The following PPP1R1B variants were observed in gnomAD, a reference collection of about 807,000 sequenced individuals.
PPP1R1B encodes the protein protein phosphatase 1 regulatory inhibitor subunit 1B, also known as protein phosphatase 1 regulatory subunit 1B.
Under a neutral mutation model 28.2 loss-of-function variants are expected in PPP1R1B, and 13 were observed. That is an observed-to-expected ratio of 0.46 (90% CI 0.30 to 0.73). PPP1R1B has a LOEUF of 0.73. Among genes scored for constraint, PPP1R1B ranks in the 30% least tolerant of loss-of-function variants. The probability of loss-of-function intolerance (pLI) is 0.07; values close to 1 mark genes in which losing one functional copy is unlikely to be tolerated. For synonymous variants in PPP1R1B, 102 were observed against 97.5 expected, an observed-to-expected ratio of 1.05 and a Z score of -0.27; for missense variants, 236 against 256.7, an observed-to-expected ratio of 0.92 and a Z score of 0.55.
In PPP1R1B at chr17:39,634,073, C is replaced by T. The variant is rs376002712; in HGVS notation, c.432C>T (p.Val144=). ...EEDSQAEVLK[V]IRQSAGQKTT... ...ACAGCCAGGCTGAAGTCCTGAAGGT[C>T]ATCAGGCAGTCTGGTAAGCTGAGGG... The change falls in exon 5 of 7, where the codon GTC becomes GTT. Residue 144 remains valine (V), a synonymous_variant. Coordinates refer to ENST00000254079, the MANE Select transcript of PPP1R1B (RefSeq NM_032192.4). 23 of 1,613,704 alleles carry T rather than the reference C, an allele frequency of 1.4e-5. No individual in the cohort carries two copies. In the African/African-American group the frequency reaches 2.4e-4, roughly 17 times the overall value.
chr17:39,627,434 C>T lies in PPP1R1B; in HGVS notation c.42C>T (p.Pro14=). 6.2e-7 allele frequency: 1 copy of T among 1,603,754 alleles called. No homozygotes were observed. Among genetic ancestry groups the T allele is most frequent in the South Asian group, 1.1e-5 (1 of 90,282 alleles). Residue 14 remains proline (P), a synonymous_variant, in exon 1 of 7, where the codon CCC becomes CCT. Transcript: ENST00000254079. ...KDRKKIQFSV[P]APPSQLDPRQ... The stretch of plus-strand genomic sequence containing the variant: ...GCAAGAAGATCCAGTTCTCGGTGCC[C>T]GCGCCCCCTAGCCAGCTCGACCCCC...
chr17:39,629,652 G>T (rs1390311742), intron 3 of PPP1R1B, 90 bp downstream of exon 3: 5 of 1,375,688 alleles, frequency 3.6e-6, no homozygotes, highest in South Asian at 2.4e-5. Flanking sequence ...AACCAGTATG[G>T]GGTGCCACCC....
At chr17:39,631,671 C>A (rs2056879166) in intron 4 of PPP1R1B, among the ~76,000 whole-genome samples, 1 of 152,188 alleles carries the variant, frequency 6.6e-6, no homozygotes, top group Non-Finnish European at 1.5e-5. Context: ...TGTCAGCCCA[C>A]TTGCCAGGGT....
At chr17:39,627,619 G>C (rs1049825524) in intron 1 of PPP1R1B, 146 bp downstream of exon 1, 9 of 565,756 alleles carry the variant, frequency 1.6e-5, no homozygotes, top group Non-Finnish European at 2.1e-5. Context: ...GACGGGGCGC[G>C]GGGCCGCGTG....
chr17:39,629,945 C>T, intron 3 of PPP1R1B, 27 bp from the exon 4 acceptor site: 1 of 1,611,492 alleles, frequency 6.2e-7, no homozygotes, highest in South Asian at 1.1e-5. Context: ...CTGCTGAGCC[C>T]CTTTAACCTG....
rs1366186670 is a variant in PPP1R1B at position 39,627,194 on chromosome 17, G to A, written c.-199G>A. 3 of 492,638 alleles carry A rather than the reference G, an allele frequency of 6.1e-6. No individual in the cohort carries two copies. Among genetic ancestry groups the A allele is most frequent in the Non-Finnish European group, 1.1e-5 (3 of 282,196 alleles). The allele number at this position is 492,638 out of a possible 1,614,324, so 30.5% of individuals were successfully genotyped here. ...CGAGCCCCGAGTCCCGAGAGCCTGG[G>A]GGCGCGCCCAGCCCGGGCGCCGACC... is the stretch of plus-strand genomic sequence containing the variant. On this transcript the variant is annotated 5_prime_UTR_variant, in exon 1 of 7. Coordinates refer to ENST00000254079, the MANE Select transcript of PPP1R1B (RefSeq NM_032192.4).
At chr17:39,630,081 G>A (rs779476318) in intron 4 of PPP1R1B, 34 bp downstream of exon 4, 19 of 1,596,826 alleles carry the variant, frequency 1.2e-5, no homozygotes, top group East Asian at 4.5e-5. Flanking sequence ...CTGGCTGTCC[G>A]CCTGATCCCT....
In PPP1R1B at chr17:39,636,545, C is replaced by T. The variant is rs919557016; in HGVS notation, c.*680C>T. 1 of 152,966 alleles carries T rather than the reference C, an allele frequency of 6.5e-6. No individual in the cohort carries two copies. Among genetic ancestry groups the T allele is most frequent in the Admixed American group, 6.5e-5 (1 of 15,304 alleles). The allele number at this position is 152,966 out of a possible 1,614,324, so 9.5% of individuals were successfully genotyped here. A position where few individuals can be genotyped will look rare whatever the true frequency, so the allele number is the denominator to read the frequency against. ...GGGGCGCCAGGTTTTCCTTGTCCCC[C>T]AGCTGCTCTGCCCCTTTCCCCTTCT... is the stretch of plus-strand genomic sequence containing the variant. On this transcript the variant is annotated 3_prime_UTR_variant, in exon 7 of 7. Transcript: ENST00000254079.
intron 3 of PPP1R1B, 74 bp from the exon 4 acceptor site, chr17:39,629,898 G>A (rs1168603111): frequency 6.9e-7 from 1 of 1,440,434 alleles, no homozygotes; most frequent in East Asian, 2.3e-5. Flanking sequence ...GTGGCCATGG[G>A]TGGGATGGAA....
intron 1 of PPP1R1B, among the ~76,000 whole-genome samples, chr17:39,628,116 G>A (rs955695556): frequency 6.6e-6 from 1 of 152,162 alleles, no homozygotes; most frequent in Non-Finnish European, 1.5e-5. Context: ...CTTGGGGGTT[G>A]AGGGGCTTCC....
At chr17:39,629,820 A>C in intron 3 of PPP1R1B, 152 bp from the exon 4 acceptor site, 1 of 912,156 alleles carries the variant, frequency 1.1e-6, no homozygotes, top group Non-Finnish European at 1.7e-6. Flanking sequence ...CCCCCCCTAA[A>C]GCCACAGGGT....
chr17:39,632,121 TC>T, intron 4 of PPP1R1B: 1 of 152,480 alleles, frequency 6.6e-6, no homozygotes, highest in Non-Finnish European at 1.5e-5. Flanking sequence ...AGGAAAGGGA[TC>T]AGGAGAGGGG....
chr17:39,629,333 G>C, intron 2 of PPP1R1B, 103 bp downstream of exon 2: 1 of 1,356,214 alleles, frequency 7.4e-7, no homozygotes, highest in South Asian at 1.2e-5. Context: ...GCTGGAGACT[G>C]GGGAGTGGAT....
At chr17:39,628,886 G>A (rs776377652) in intron 1 of PPP1R1B, among the ~76,000 whole-genome samples, 1 of 152,228 alleles carries the variant, frequency 6.6e-6, no homozygotes, top group Non-Finnish European at 1.5e-5. Flanking sequence ...GAGTAGCCAT[G>A]GAGTGGGACA....
intron 5 of PPP1R1B, 110 bp from the exon 6 acceptor site, chr17:39,635,497 T>C (rs189721804): frequency 1.6e-4 from 232 of 1,425,686 alleles, no homozygotes; most frequent in Middle Eastern, 1.3e-3. Context: ...CATGCTTCCA[T>C]GATGCCCCTG....
chr17:39,629,974 A>G lies in PPP1R1B; in HGVS notation c.168A>G (p.Arg56=), dbSNP rs2056864661. 2 of 1,614,100 alleles carry G rather than the reference A, an allele frequency of 1.2e-6. No homozygotes were observed. Among genetic ancestry groups the G allele is most frequent in the South Asian group, 1.1e-5 (1 of 91,084 alleles). ...SPEEEASPHQ[R]ASGEGHHLKS... is the part of the protein sequence containing the mutation. Reference sequence around the variant, plus strand: ...TAACCTGGCACTTCCCCTGGCAGAGAGCCTCAGGAGAGGGGCACCATCTCA... The same window carrying G: ...TAACCTGGCACTTCCCCTGGCAGAGGGCCTCAGGAGAGGGGCACCATCTCA... The change falls in exon 4 of 7, where the codon AGA becomes AGG. Residue 56 remains arginine (R), a splice_region_variant and synonymous_variant. Coordinates refer to ENST00000254079, the MANE Select transcript of PPP1R1B (RefSeq NM_032192.4).
chr17:39,633,671 A>G (rs1298425721), intron 4 of PPP1R1B: 3 of 696,702 alleles, frequency 4.3e-6, no homozygotes, highest in South Asian at 3.8e-5. Context: ...TTAAGAGCCA[A>G]ACATGATCAA....
At chr17:39,629,881 T>G in intron 3 of PPP1R1B, 91 bp from the exon 4 acceptor site, 1 of 1,295,462 alleles carries the variant, frequency 7.7e-7, no homozygotes, top group South Asian at 1.2e-5. Context: ...TAAATCAGTC[T>G]GCTTGGGTGG....
At chr17:39,629,951 A>T (rs1264663282) in intron 3 of PPP1R1B, 21 bp from the exon 4 acceptor site, 1 of 1,613,384 alleles carries the variant, frequency 6.2e-7, no homozygotes, top group Non-Finnish European at 8.5e-7. Context: ...AGCCCCTTTA[A>T]CCTGGCACTT....
Sources: gnomAD v4.1 joint callset for allele counts (sites outside exome capture counted in the v4.1 genomes callset) on GRCh38, gnomAD v4.1.1 for gene constraint, MANE v1.5 for transcripts, NCBI Gene and HGNC (gene_info 2026-07-23, HGNC 2026-07-21) for gene names.